The following CDC42BPA variants were observed in gnomAD, a reference collection of about 807,000 sequenced individuals.
CDC42BPA encodes the protein serine/threonine-protein kinase MRCK alpha.
CDC42BPA carries 80 observed loss-of-function variants against 223.5 expected under a neutral mutation model. The ratio of observed to expected loss-of-function variants is 0.36; its 90% confidence interval spans 0.30 to 0.43. The LOEUF (loss-of-function observed/expected upper bound fraction) is 0.43. Ranked by LOEUF, CDC42BPA falls within the 20% of genes least tolerant of loss-of-function variation. CDC42BPA has a pLI of 1.00. For synonymous variants in CDC42BPA, 694 were observed against 718.6 expected, an observed-to-expected ratio of 0.97 and a Z score of 0.55; for missense variants, 1,743 against 2,099.9, an observed-to-expected ratio of 0.83 and a Z score of 3.32.
At chr1:227,039,324 A>G (rs987222882) in intron 24 of CDC42BPA, among the ~76,000 whole-genome samples, 1 of 152,194 alleles carries the variant, frequency 6.6e-6, no homozygotes, top group Non-Finnish European at 1.5e-5. Context: ...TATGCTAAAA[A>G]AAAAGTTTAT....
At chr1:227,209,686 C>T (rs1315192006) in intron 3 of CDC42BPA, among the ~76,000 whole-genome samples, 1 of 148,386 alleles carries the variant, frequency 6.7e-6, no homozygotes, top group Admixed American at 6.7e-5. Context: ...TTGAACCAGC[C>T]TTGCATCCCA....
At chr1:227,031,645 T>C in intron 27 of CDC42BPA, 131 bp from the exon 28 acceptor site, 1 of 689,532 alleles carries the variant, frequency 1.5e-6, no homozygotes, top group East Asian at 2.6e-5. Context: ...TTACTGGAGT[T>C]CAGCTATTCC....
intron 11 of CDC42BPA, 110 bp downstream of exon 11, chr1:227,128,999 C>T: frequency 1.4e-6 from 1 of 736,894 alleles, no homozygotes; most frequent in Non-Finnish European, 2.2e-6. Context: ...GACTAGCATG[C>T]AACTCACATC....
intron 15 of CDC42BPA, among the ~76,000 whole-genome samples, chr1:227,099,207 C>T (rs990017069): frequency 6.6e-6 from 1 of 151,896 alleles, no homozygotes; most frequent in South Asian, 2.1e-4. Flanking sequence ...TACTATACTT[C>T]GTATCGTTAT....
chr1:227,194,774 T>C (rs960927947), intron 4 of CDC42BPA, among the ~76,000 whole-genome samples: 2 of 152,152 alleles, frequency 1.3e-5, no homozygotes, highest in African/African-American at 2.4e-5. Flanking sequence ...AGTGGAAAAA[T>C]GGGTTTTGTA....
rs190416928 is a variant in CDC42BPA, at chr1:227,088,120, C to A, written c.2355+3766G>T. Among the ~76,000 whole-genome samples the A allele has an allele frequency of 5.0e-4, 76 of 152,268 alleles. 1 individual carries two copies. The highest frequency in any genetic ancestry group is 1.8e-3 in the African/African-American group (76 of 41,582). ...CCAAATAAAAGCATGGACTCCGGAG[C>A]CCGACTACCTGTACTCAAATCCTAC... On this transcript the variant is annotated intron_variant, in intron 16 of 36. Coordinates refer to ENST00000366766, the MANE Select transcript of CDC42BPA (RefSeq NM_001394014.1).
Position 226,994,197 on chromosome 1 carries a change from G to T in CDC42BPA, c.*71C>A. 1 of 1,471,578 alleles carries T rather than the reference G, an allele frequency of 6.8e-7. No individual in the cohort carries two copies. Among genetic ancestry groups the T allele is most frequent in the Non-Finnish European group, 9.2e-7 (1 of 1,084,586 alleles). The allele number at this position is 1,471,578 out of a possible 1,614,324, so 91.2% of individuals were successfully genotyped here. On this transcript the variant is annotated 3_prime_UTR_variant, in exon 37 of 37. Coordinates refer to ENST00000366766, the MANE Select transcript of CDC42BPA (RefSeq NM_001394014.1). The surrounding 1 kb of genome is among the most constrained non-coding windows in gnomAD (Gnocchi z 4.0). ...TTTCAGGCCGAGCAGGCGAGGTGGA[G>T]GGAAGAGATGAAAGTGAGAGGAGGC...
intron 11 of CDC42BPA, among the ~76,000 whole-genome samples, chr1:227,128,251 G>A (rs553123742): frequency 6.6e-6 from 1 of 152,256 alleles, no homozygotes; most frequent in South Asian, 2.1e-4. Flanking sequence ...GCAGATAACT[G>A]TATGGCTAAC....
chr1:227,015,033 G>A (rs1397417313), intron 34 of CDC42BPA, among the ~76,000 whole-genome samples: 1 of 151,880 alleles, frequency 6.6e-6, no homozygotes, highest in Non-Finnish European at 1.5e-5. Context: ...ATAGCTCCCC[G>A]CAGCCTCAAA....
chr1:227,077,989 AATC>A (rs1223468061), intron 17 of CDC42BPA, among the ~76,000 whole-genome samples: 1 of 152,134 alleles, frequency 6.6e-6, no homozygotes, highest in Non-Finnish European at 1.5e-5. Context: ...CTATTTGCCT[AATC>A]ATCATTTTAA....
chr1:227,071,559 G>A (rs1453456437), intron 20 of CDC42BPA, among the ~76,000 whole-genome samples: 13 of 151,614 alleles, frequency 8.6e-5, no homozygotes, highest in South Asian at 2.1e-4. Flanking sequence ...TAATAAATCC[G>A]GGATATCCTA....
At chr1:227,187,056 G>A (rs1277763962) in intron 5 of CDC42BPA, among the ~76,000 whole-genome samples, 7 of 152,204 alleles carry the variant, frequency 4.6e-5, no homozygotes, top group Admixed American at 4.6e-4. Context: ...TATGCTCTCT[G>A]GTGGCCATCC....
intron 15 of CDC42BPA, among the ~76,000 whole-genome samples, chr1:227,095,430 C>T (rs1683798127): frequency 7.0e-6 from 1 of 142,312 alleles, no homozygotes; most frequent in Non-Finnish European, 1.5e-5. Flanking sequence ...GCCATTCCTT[C>T]TTACATCTAC....
In CDC42BPA at chr1:227,223,440, G is replaced by A. The variant is rs191669416; in HGVS notation, c.271-10221C>T. ...ACAGATAACAGGGGAACCATTCTGC[G>A]CAGATAGTTTTAGCTAGATCACTCT... On this transcript the variant is annotated intron_variant, in intron 2 of 36. Coordinates refer to ENST00000366766, the MANE Select transcript of CDC42BPA (RefSeq NM_001394014.1). Among the ~76,000 whole-genome samples, 205 of 152,298 alleles carry A rather than the reference G, an allele frequency of 1.3e-3. 2 individuals carry two copies. Among genetic ancestry groups the A allele is most frequent in the African/African-American group, 4.3e-3 (179 of 41,568 alleles).
At chr1:227,106,330 G>T (rs999261465) in intron 14 of CDC42BPA, among the ~76,000 whole-genome samples, 5 of 151,942 alleles carry the variant, frequency 3.3e-5, no homozygotes, top group Admixed American at 3.3e-4. Context: ...ATATAATCTG[G>T]ATATTAAATT....
At chr1:227,158,043 C>T (rs962918973) in intron 6 of CDC42BPA, among the ~76,000 whole-genome samples, 1 of 151,472 alleles carries the variant, frequency 6.6e-6, no homozygotes, top group African/African-American at 2.4e-5. Context: ...CTGCAACCTC[C>T]ACCTCCTGGG....
intron 1 of CDC42BPA, among the ~76,000 whole-genome samples, chr1:227,308,070 T>A (rs1692867145): frequency 6.6e-6 from 1 of 152,190 alleles, no homozygotes; most frequent in Non-Finnish European, 1.5e-5. Context: ...AATCCCAATA[T>A]AATAAAATAC....
At position 227,043,696 on chromosome 1, in the gene CDC42BPA, TTAGA is replaced by T. The variant is rs1255343976; in HGVS notation, c.3094-3464_3094-3461del. ...TTGGACATGTATATATCTTTATAAA[TTAGA>T]TAGTCTGAGTATGTGTTTTTAATTT... is the stretch of plus-strand genomic sequence containing the variant. On this transcript the variant is annotated intron_variant, in intron 23 of 36. Transcript: ENST00000366766. Among the ~76,000 whole-genome samples, 4 of 152,180 alleles carry T rather than the reference TTAGA, an allele frequency of 2.6e-5. No individual in the cohort carries two copies. In the South Asian group the frequency reaches 6.2e-4, roughly 24 times the overall value.
chr1:227,076,698 GTTA>G (rs1267150165), intron 17 of CDC42BPA, among the ~76,000 whole-genome samples: 5 of 152,054 alleles, frequency 3.3e-5, no homozygotes, highest in Admixed American at 2.0e-4. Context: ...CTTAATAACA[GTTA>G]TTATTACTAT....
Sources: gnomAD v4.1 joint callset for allele counts (sites outside exome capture counted in the v4.1 genomes callset) on GRCh38, gnomAD v4.1.1 for gene constraint, Gnocchi (gnomAD v3.1) non-coding constraint, MANE v1.5 for transcripts, NCBI Gene and HGNC (gene_info 2026-07-23, HGNC 2026-07-21) for gene names.